MGAM: variants seen among roughly 807,000 people sequenced by gnomAD.
MGAM encodes the protein alpha-1,4-glucosidase.
Under a neutral mutation model 358.8 loss-of-function variants are expected in MGAM, and 253 were observed. That is an observed-to-expected ratio of 0.71 (90% CI 0.64 to 0.78). The LOEUF is 0.78. MGAM is among the 30% of genes least tolerant of loss of function. The probability of loss-of-function intolerance (pLI) is 0.00; values close to 1 mark genes in which losing one functional copy is unlikely to be tolerated. For synonymous variants in MGAM, 1,105 were observed against 1,227.1 expected, an observed-to-expected ratio of 0.90 and a Z score of 2.08; for missense variants, 3,080 against 3,432.6, an observed-to-expected ratio of 0.90 and a Z score of 2.57.
intron 2 of MGAM, among the ~76,000 whole-genome samples, chr7:142,005,959 T>C (rs1305786538): frequency 6.6e-6 from 1 of 152,002 alleles, no homozygotes; most frequent in Non-Finnish European, 1.5e-5. Flanking sequence ...AATACCCTTA[T>C]GTGAAAGGCA....
chr7:142,075,926 A>G lies in MGAM; in HGVS notation c.5276-277A>G, dbSNP rs536620127. Among the ~76,000 whole-genome samples, 111 of 146,250 alleles carry G rather than the reference A, an allele frequency of 7.6e-4. 5 individuals carry two copies. The highest frequency in any genetic ancestry group is 2.4e-3 in the African/African-American group (99 of 41,238). Reference sequence around the variant, plus strand: ...CTTCCATACAATCCCATGAATTCCCACTTCTGGGTGTATATCCAGAGGACA... The same window carrying G: ...CTTCCATACAATCCCATGAATTCCCGCTTCTGGGTGTATATCCAGAGGACA... On this transcript the variant is annotated intron_variant, in intron 45 of 70. Transcript: ENST00000475668.
At chr7:142,037,051 G>A in intron 18 of MGAM, 74 bp downstream of exon 18, 1 of 1,452,936 alleles carries the variant, frequency 6.9e-7, no homozygotes, top group African/African-American at 1.4e-5. Flanking sequence ...AAATATCAGA[G>A]TGAAAACTGA....
intron 21 of MGAM, among the ~76,000 whole-genome samples, chr7:142,041,874 A>ATATG (rs1808611129): frequency 2.2e-5 from 2 of 90,256 alleles, no homozygotes; most frequent in African/African-American, 8.5e-5. Flanking sequence ...TATATATATT[A>ATATG]TATATATACG....
intron 34 of MGAM, among the ~76,000 whole-genome samples, chr7:142,060,614 T>G (rs1812071435): frequency 6.6e-6 from 1 of 152,268 alleles, no homozygotes; most frequent in African/African-American, 2.4e-5. Context: ...GCTTAAATTA[T>G]TTGTTCACAG....
intron 27 of MGAM, among the ~76,000 whole-genome samples, chr7:142,055,297 T>C (rs1811399196): frequency 6.6e-6 from 1 of 152,094 alleles, no homozygotes; most frequent in Non-Finnish European, 1.5e-5. Context: ...CCAGCTGTGA[T>C]GATGAGGGGT....
At chr7:142,002,132 A>G (rs1469981398) in intron 1 of MGAM, among the ~76,000 whole-genome samples, 1 of 152,202 alleles carries the variant, frequency 6.6e-6, no homozygotes, top group Non-Finnish European at 1.5e-5. Context: ...GACACTAATG[A>G]AATGTTTAGC....
At chr7:142,024,097 C>T (rs968288013) in intron 7 of MGAM, among the ~76,000 whole-genome samples, 3 of 151,910 alleles carry the variant, frequency 2.0e-5, no homozygotes, top group African/African-American at 7.2e-5. Flanking sequence ...ATGGTGGTGG[C>T]GGGTGCCTGT....
intron 34 of MGAM, among the ~76,000 whole-genome samples, chr7:142,060,871 GC>G (rs1812115334): frequency 6.6e-6 from 1 of 151,762 alleles, no homozygotes; most frequent in African/African-American, 2.4e-5. Context: ...TACGAGTCCT[GC>G]CCCGAGCCCC....
At position 142,034,858 on chromosome 7, in the gene MGAM, A is replaced by G; in HGVS notation, c.1959+17A>G. The G allele has an allele frequency of 6.2e-7, 1 of 1,603,946 alleles. No individual in the cohort carries two copies. Among genetic ancestry groups the G allele is most frequent in the East Asian group, 2.2e-5 (1 of 44,632 alleles). On this transcript the variant is annotated intron_variant, in intron 16 of 70. Coordinates refer to ENST00000475668, the MANE Select transcript of MGAM (RefSeq NM_001365693.1). Reference sequence around the variant, plus strand: ...ATCCCAATGGTGAGCTGCTACCTCAAGCTCTCTTATGAACCTGAATTCCCA... The same window carrying G: ...ATCCCAATGGTGAGCTGCTACCTCAGGCTCTCTTATGAACCTGAATTCCCA...
In MGAM at chr7:142,054,234, G is replaced by A. The variant is rs142425996; in HGVS notation, c.3160-520G>A. Among the ~76,000 whole-genome samples the A allele has an allele frequency of 1.2e-3, 186 of 152,214 alleles. 1 individual carries two copies. The highest frequency in any genetic ancestry group is 4.2e-3 in the African/African-American group (175 of 41,536). On this transcript the variant is annotated intron_variant, in intron 26 of 70. Coordinates refer to ENST00000475668, the MANE Select transcript of MGAM (RefSeq NM_001365693.1). Reference sequence around the variant, plus strand: ...AGCTGCTCTCTTTGACTTCTTATTCGCATGTGAATTTCGTAAAACCATAAC... The same window carrying A: ...AGCTGCTCTCTTTGACTTCTTATTCACATGTGAATTTCGTAAAACCATAAC...
chr7:142,097,472 TG>T, intron 65 of MGAM, 120 bp from the exon 66 acceptor site: 1 of 930,868 alleles, frequency 1.1e-6, no homozygotes, highest in Non-Finnish European at 1.7e-6. Context: ...GGTGACCTCC[TG>T]GGACATGAGG....
rs1811081852 is a variant in MGAM at position 142,052,414 on chromosome 7, GA to G, written c.2930del (p.Asn977ThrfsTer45). On this transcript the variant is annotated frameshift_variant, in exon 25 of 71. Transcript: ENST00000475668. LOFTEE classifies it high-confidence loss of function. ...CYPDENGASA[E>X]NCTARGCIWE... ...CCCTGATGAGAATGGTGCTTCTGCCGAAAACTGCACTGCCCGTGGCTGTATC... is the reference window on the plus strand; with the variant it reads ...CCCTGATGAGAATGGTGCTTCTGCCGAAACTGCACTGCCCGTGGCTGTATC... 1 of 1,613,228 alleles carries G rather than the reference GA, an allele frequency of 6.2e-7. No individual in the cohort carries two copies. The highest frequency in any genetic ancestry group is 1.7e-5 in the Admixed American group (1 of 59,920).
chr7:142,012,279 G>T (rs1407615681), intron 3 of MGAM, among the ~76,000 whole-genome samples: 1 of 152,064 alleles, frequency 6.6e-6, no homozygotes, highest in East Asian at 1.9e-4. Context: ...CATAGTTATG[G>T]ATGGAGACTA....
chr7:142,049,138 A>T (rs1810693211), intron 22 of MGAM, among the ~76,000 whole-genome samples: 1 of 152,100 alleles, frequency 6.6e-6, no homozygotes, highest in African/African-American at 2.4e-5. Flanking sequence ...GGCTTATTTC[A>T]CTTAGTATAA....
In MGAM at chr7:142,078,920, C is replaced by T. The variant is rs1813979990; in HGVS notation, c.5759C>T (p.Ser1920Phe). ...ACAGCTGACATCTCCTTAAAGTCTT[C>T]TGTTCATGCCAATGCCTTCCCTTCC... ...GATADISLKS[S>F]VHANAFPSTP... is the part of the protein sequence containing the mutation. Residue 1920 changes from serine (S) to phenylalanine (F), a missense_variant, in exon 49 of 71, where the codon TCT becomes TTT. By Grantham distance (155) the Ser-to-Phe change is radical. Coordinates refer to ENST00000475668, the MANE Select transcript of MGAM (RefSeq NM_001365693.1). The T allele has an allele frequency of 1.3e-6, 2 of 1,555,846 alleles. No homozygotes were observed. The highest frequency in any genetic ancestry group is 1.8e-6 in the Non-Finnish European group (2 of 1,132,294).
intron 7 of MGAM, among the ~76,000 whole-genome samples, chr7:142,024,336 C>T (rs1211243055): frequency 1.3e-5 from 2 of 151,702 alleles, no homozygotes; most frequent in Non-Finnish European, 2.9e-5. Flanking sequence ...ATTGCTTGAG[C>T]CTGGGAGGTG....
chr7:142,027,675 T>C lies in MGAM; in HGVS notation c.1161T>C (p.Tyr387=), dbSNP rs782364229. The stretch of plus-strand genomic sequence containing the variant: ...GATTTCACCTCAGTCGTTACGAATA[T>C]GGAACCTTAGACAACATGAGGGAAG... The part of the protein sequence containing the change: ...ALGFHLSRYE[Y]GTLDNMREVV... Residue 387 remains tyrosine (Y), a synonymous_variant, in exon 10 of 71, where the codon TAT becomes TAC. Transcript: ENST00000475668. 3.1e-6 allele frequency: 5 copies of C among 1,613,748 alleles called. No homozygotes were observed. Among genetic ancestry groups the C allele is most frequent in the Non-Finnish European group, 4.2e-6 (5 of 1,179,718 alleles).
chr7:142,104,038 G>C (rs1009325316), intron 70 of MGAM, among the ~76,000 whole-genome samples: 1 of 151,996 alleles, frequency 6.6e-6, no homozygotes, highest in Admixed American at 6.6e-5. Context: ...ATTTTTAGTA[G>C]AGACAGGTTT....
rs1255064397 is a variant in MGAM, at chr7:142,088,785, CTAT to C, written c.6810+2069_6810+2071del. ...TCTATCTATCTATCTATCTATCTAT[CTAT>C]CTATCTATCTATCATTCTATCCTAT... is the stretch of plus-strand genomic sequence containing the variant. On this transcript the variant is annotated intron_variant, in intron 57 of 70. Transcript: ENST00000475668. Among the ~76,000 whole-genome samples the C allele has an allele frequency of 8.8e-4, 118 of 134,548 alleles. 10 individuals are homozygous for C. In the East Asian group the frequency reaches 0.014, roughly 16 times the overall value. The allele number at this position is 134,548 out of a possible 152,430, so 88.3% of individuals were successfully genotyped here.
Sources: allele counts gnomAD v4.1 joint callset (sites outside exome capture counted in the v4.1 genomes callset), GRCh38; gene constraint gnomAD v4.1.1; transcripts MANE v1.5; gene names NCBI Gene and HGNC (gene_info 2026-07-23, HGNC 2026-07-21).